DENND5B: variants seen among roughly 807,000 people sequenced by gnomAD.
DENND5B encodes DENN domain-containing protein 5B.
DENND5B carries 34 observed loss-of-function variants against 140.6 expected under a neutral mutation model. The ratio of observed to expected loss-of-function variants is 0.24; its 90% CI spans 0.18 to 0.32. The LOEUF is 0.32. Among genes scored for constraint, DENND5B ranks in the 10% least tolerant of loss-of-function variants. DENND5B has a pLI of 1.00. For synonymous variants in DENND5B, 551 were observed against 562.1 expected (o/e 0.98, Z 0.28); for missense variants, 1,142 against 1,560.2 (o/e 0.73, Z 4.52).
intron 1 of DENND5B, among the ~76,000 whole-genome samples, chr12:31,569,783 G>A (rs2682461): frequency 0.078 from 11,799 of 152,046 alleles, 1,042 homozygotes; most frequent in African/African-American, 0.22. Context: ...CTGCATTCCA[G>A]CCTGGGCAAC....
intron 1 of DENND5B, among the ~76,000 whole-genome samples, chr12:31,534,157 T>C (rs568092875): frequency 1.6e-4 from 24 of 146,126 alleles, no homozygotes; most frequent in South Asian, 1.1e-3. Flanking sequence ...TTGTGTCAAG[T>C]TTTTTTTTTG....
chr12:31,514,112 C>T (rs984865606), intron 1 of DENND5B, among the ~76,000 whole-genome samples: 9 of 152,146 alleles, frequency 5.9e-5, no homozygotes, highest in African/African-American at 2.2e-4. Context: ...TCACAAAGTG[C>T]TGTGATTACA....
intron 2 of DENND5B, among the ~76,000 whole-genome samples, chr12:31,494,177 TATCTATCCATCC>T (rs1451975785): frequency 0.1 from 8,289 of 81,006 alleles, 318 homozygotes; most frequent in East Asian, 0.28. Context: ...TCTATCTATC[TATCTATCCATCC>T]ATCCATCCAT....
chr12:31,503,748 T>C (rs1326770939), intron 1 of DENND5B, among the ~76,000 whole-genome samples: 1 of 152,200 alleles, frequency 6.6e-6, no homozygotes, highest in African/African-American at 2.4e-5. Context: ...CTTCACATAG[T>C]CCTCGTTTCC....
intron 4 of DENND5B, among the ~76,000 whole-genome samples, chr12:31,453,115 A>T (rs1944616144): frequency 6.6e-6 from 1 of 152,168 alleles, no homozygotes; most frequent in East Asian, 1.9e-4. Flanking sequence ...ATAATCCACA[A>T]ATTTTAACTT....
At chr12:31,585,169 A>T (rs916381707) in intron 1 of DENND5B, among the ~76,000 whole-genome samples, 3 of 152,240 alleles carry the variant, frequency 2.0e-5, no homozygotes, top group African/African-American at 7.2e-5. Context: ...TAGGAATCAA[A>T]TTTCAACATG....
intron 1 of DENND5B, among the ~76,000 whole-genome samples, chr12:31,581,879 C>T (rs543149599): frequency 2.0e-4 from 31 of 152,182 alleles, no homozygotes; most frequent in South Asian, 1.7e-3. Context: ...TACATAAAAT[C>T]GTGTAGTACG....
At chr12:31,514,255 G>C (rs942373592) in intron 1 of DENND5B, among the ~76,000 whole-genome samples, 19 of 152,172 alleles carry the variant, frequency 1.2e-4, no homozygotes, top group African/African-American at 4.6e-4. Flanking sequence ...AGAGCAACAG[G>C]CTGTATCATA....
At chr12:31,447,835 G>A (rs1184788483) in intron 5 of DENND5B, 66 bp from the exon 6 acceptor site, 2 of 1,092,380 alleles carry the variant, frequency 1.8e-6, no homozygotes, top group East Asian at 2.6e-5. Flanking sequence ...TGATAAGCCT[G>A]AAAATTATGT....
intron 4 of DENND5B, among the ~76,000 whole-genome samples, chr12:31,457,909 T>G (rs1314372497): frequency 6.6e-6 from 1 of 151,644 alleles, no homozygotes; most frequent in Non-Finnish European, 1.5e-5. Context: ...AGAGACAGGG[T>G]TTCACCGTGT....
chr12:31,430,940 G>T (rs1434957093), intron 8 of DENND5B, among the ~76,000 whole-genome samples: 1 of 152,170 alleles, frequency 6.6e-6, no homozygotes, highest in Non-Finnish European at 1.5e-5. Flanking sequence ...CAAGAAGGGA[G>T]GCTGCCTCTG....
At chr12:31,542,172 C>T (rs1948699817) in intron 1 of DENND5B, among the ~76,000 whole-genome samples, 1 of 151,816 alleles carries the variant, frequency 6.6e-6, no homozygotes, top group Non-Finnish European at 1.5e-5. Flanking sequence ...CTTGTAGTCC[C>T]AGCTACTCAG....
At chr12:31,441,169 CCT>C (rs917897726) in intron 7 of DENND5B, among the ~76,000 whole-genome samples, 16 of 151,838 alleles carry the variant, frequency 1.1e-4, no homozygotes, top group African/African-American at 3.6e-4. Context: ...AAGGCAAAAT[CCT>C]GTCTCTATAA....
intron 4 of DENND5B, among the ~76,000 whole-genome samples, chr12:31,459,254 T>C (rs781552956): frequency 1.3e-5 from 2 of 152,090 alleles, no homozygotes; most frequent in Non-Finnish European, 2.9e-5. Context: ...GTGTTACTAT[T>C]CTTACTTTAT....
chr12:31,413,017 T>G (rs1942547656), intron 13 of DENND5B, among the ~76,000 whole-genome samples: 1 of 151,956 alleles, frequency 6.6e-6, no homozygotes, highest in East Asian at 1.9e-4. Flanking sequence ...ACCTCCCAAG[T>G]TCAAGTGATT....
At chr12:31,554,324 G>A (rs1034453861) in intron 1 of DENND5B, among the ~76,000 whole-genome samples, 13 of 152,142 alleles carry the variant, frequency 8.5e-5, no homozygotes, top group Non-Finnish European at 1.3e-4. Flanking sequence ...CACTTATGAA[G>A]CTTAGTTTGG....
chr12:31,575,960 T>C (rs1158877849), intron 1 of DENND5B, among the ~76,000 whole-genome samples: 1 of 148,082 alleles, frequency 6.8e-6, no homozygotes, highest in East Asian at 2.0e-4. Flanking sequence ...AGCAAGACTG[T>C]CTCAAAAAAC....
chr12:31,484,669 C>T (rs965962452), intron 2 of DENND5B, among the ~76,000 whole-genome samples: 2 of 151,988 alleles, frequency 1.3e-5, no homozygotes, highest in African/African-American at 4.8e-5. Flanking sequence ...GGCGTGGTGG[C>T]ATGCACCTGT....
At chr12:31,444,805 T>C (rs573499652) in intron 6 of DENND5B, among the ~76,000 whole-genome samples, 1 of 152,234 alleles carries the variant, frequency 6.6e-6, no homozygotes, top group Non-Finnish European at 1.5e-5. Flanking sequence ...GACAATTTCA[T>C]TAATTCTACT....
Sources: gnomAD v4.1 joint callset for allele counts (sites outside exome capture counted in the v4.1 genomes callset) on GRCh38, gnomAD v4.1.1 for gene constraint, MANE v1.5 for transcripts, NCBI Gene and HGNC (gene_info 2026-07-23, HGNC 2026-07-21) for gene names.